The following KIF13A variants were observed in gnomAD, a reference collection of about 807,000 sequenced individuals.
KIF13A encodes the protein kinesin-like protein KIF13A.
KIF13A carries 79 observed loss-of-function variants against 212.2 expected under a neutral mutation model. That is an observed-to-expected ratio of 0.37 (90% CI 0.31 to 0.45). The LOEUF (loss-of-function observed/expected upper bound fraction) is 0.45, where lower values mean the gene tolerates loss of function less well. Among genes scored for constraint, KIF13A ranks in the 20% least tolerant of loss-of-function variants. KIF13A has a pLI of 1.00. For synonymous variants in KIF13A, 789 were observed against 808.6 expected (o/e 0.98, Z 0.41); for missense variants, 1,901 against 2,209.0 (o/e 0.86, Z 2.79).
intron 3 of KIF13A, among the ~76,000 whole-genome samples, chr6:17,887,234 T>C (rs1192713309): frequency 6.6e-6 from 1 of 152,168 alleles, no homozygotes; most frequent in Non-Finnish European, 1.5e-5. Flanking sequence ...GTTCCTTCAA[T>C]CTGGAGCCCA....
chr6:17,917,429 C>T (rs374510642), intron 2 of KIF13A, among the ~76,000 whole-genome samples: 1 of 151,718 alleles, frequency 6.6e-6, no homozygotes, highest in East Asian at 1.9e-4. Flanking sequence ...TTAGTAGAGA[C>T]GGGGTTTCGC....
At chr6:17,904,619 GC>G (rs141606535) in intron 2 of KIF13A, among the ~76,000 whole-genome samples, 8,401 of 152,232 alleles carry the variant, frequency 0.055, 271 homozygotes, top group Middle Eastern at 0.085. Flanking sequence ...AGGATAAATA[GC>G]CTGTTGCAAC....
chr6:17,971,203 C>T lies in KIF13A; in HGVS notation c.146+15851G>A, dbSNP rs915165308. On this transcript the variant is annotated intron_variant, in intron 2 of 38. Coordinates refer to ENST00000259711, the MANE Select transcript of KIF13A (RefSeq NM_022113.6). This position sits in a 1 kb window ranked among gnomAD's most constrained non-coding sequence, Gnocchi z 4.2. ...CAATAGCTGATGTACTATTAGACAT[C>T]GCACACACCAGGGACACCTAACTGT... Among the ~76,000 whole-genome samples, 6 of 152,258 alleles carry T rather than the reference C, an allele frequency of 3.9e-5. No homozygotes were observed. In the East Asian group the frequency reaches 5.8e-4, roughly 15 times the overall value.
rs1781661556 is a variant in KIF13A, at chr6:17,987,297, CGCCCCGGCCCCCCG to C, written c.55+98_55+111del. 2 of 888,880 alleles carry C rather than the reference CGCCCCGGCCCCCCG, an allele frequency of 2.3e-6. No individual in the cohort carries two copies. The highest frequency in any genetic ancestry group is 3.7e-5 in the South Asian group (1 of 27,020). The allele number at this position is 888,880 out of a possible 1,614,324, so 55.1% of individuals were successfully genotyped here. A position where few individuals can be genotyped will look rare whatever the true frequency, so the allele number is the denominator to read the frequency against. The stretch of plus-strand genomic sequence containing the variant: ...CCACGGCCAGCGCGGACGCCGCCTC[CGCCCCGGCCCCCCG>C]GCCCCGGCCGCGCTCTCGCCGTCCC... On this transcript the variant is annotated intron_variant, in intron 1 of 38. Coordinates refer to ENST00000259711, the MANE Select transcript of KIF13A (RefSeq NM_022113.6). This position sits in a 1 kb window ranked among gnomAD's most constrained non-coding sequence, Gnocchi z 7.7.
intron 4 of KIF13A, among the ~76,000 whole-genome samples, chr6:17,858,106 T>TGC (rs968344901): frequency 7.3e-6 from 1 of 137,372 alleles, no homozygotes; most frequent in African/African-American, 2.6e-5. Context: ...TGTGTGTGTG[T>TGC]GTGTGTGCAT....
In KIF13A at chr6:17,787,924, ATTTC is replaced by A. The variant is rs767957176; in HGVS notation, c.3262-53_3262-50del. On this transcript the variant is annotated intron_variant, in intron 26 of 38. Transcript: ENST00000259711. This position sits in a 1 kb window ranked among gnomAD's most constrained non-coding sequence, Gnocchi z 4.6. ...TTTCCTGTAGACTGCACAGACAACG[ATTTC>A]TTTCTTTCTTTTTTTAAAAGATGTT... is the stretch of plus-strand genomic sequence containing the variant. 41 of 993,654 alleles carry A rather than the reference ATTTC, an allele frequency of 4.1e-5. No individual in the cohort carries two copies. Among genetic ancestry groups the A allele is most frequent in the South Asian group, 2.5e-4 (18 of 72,656 alleles). The allele number at this position is 993,654 out of a possible 1,614,324, so 61.6% of individuals were successfully genotyped here.
intron 2 of KIF13A, among the ~76,000 whole-genome samples, chr6:17,983,568 C>T (rs1052626311): frequency 4.6e-5 from 7 of 151,232 alleles, no homozygotes; most frequent in Non-Finnish European, 1.0e-4. Flanking sequence ...TCTCAGCTCA[C>T]GGCAACCTCC....
chr6:17,852,699 T>G (rs904478486), intron 6 of KIF13A, among the ~76,000 whole-genome samples: 2 of 152,210 alleles, frequency 1.3e-5, no homozygotes, highest in Non-Finnish European at 2.9e-5. Flanking sequence ...ATTGCAGATG[T>G]GAGCCACCAC....
At position 17,826,316 on chromosome 6, in the gene KIF13A, C is replaced by A. The variant is rs1455970124; in HGVS notation, c.1533-192G>T. Among the ~76,000 whole-genome samples the A allele has an allele frequency of 3.3e-5, 5 of 152,242 alleles. No homozygotes were observed. The highest frequency in any genetic ancestry group is 7.3e-5 in the Non-Finnish European group (5 of 68,048). Reference sequence around the variant, plus strand: ...AGCCATGAGGACCAAGGGCTGCCAACACCCCTCAGAGAATGACAACCTAAC... The same window carrying A: ...AGCCATGAGGACCAAGGGCTGCCAAAACCCCTCAGAGAATGACAACCTAAC... On this transcript the variant is annotated intron_variant, in intron 14 of 38. Coordinates refer to ENST00000259711, the MANE Select transcript of KIF13A (RefSeq NM_022113.6). The surrounding 1 kb of genome is among the most constrained non-coding windows in gnomAD (Gnocchi z 4.7).
chr6:17,889,169 C>G lies in KIF13A; in HGVS notation c.159+8999G>C, dbSNP rs529607032. Among the ~76,000 whole-genome samples the G allele has an allele frequency of 1.4e-3, 218 of 152,292 alleles. 1 individual carries two copies. The highest frequency in any genetic ancestry group is 5.1e-3 in the African/African-American group (211 of 41,562). On this transcript the variant is annotated intron_variant, in intron 3 of 38. Coordinates refer to ENST00000259711, the MANE Select transcript of KIF13A (RefSeq NM_022113.6). ...GCATTTCAGATGGCATAAGCTGTAC[C>G]TAATAAGGTTTCCCCCTTACTTTTT...
chr6:17,764,821 C>T lies in KIF13A; in HGVS notation c.4707G>A (p.Trp1569Ter), dbSNP rs991309411. Residue 1569 changes from tryptophan to a stop codon, truncating the protein, a stop_gained, in exon 39 of 39, where the codon TGG becomes TGA. Transcript: ENST00000259711. LOFTEE classifies it low-confidence loss of function (END_TRUNC). The surrounding 1 kb of genome is among the most constrained non-coding windows in gnomAD (Gnocchi z 5.1). ...VYNASLENREWFSSKVDLSNS... is the reference protein window; with the variant it reads ...VYNASLENRE ...TTGACAGATCTACTTTAGAGGAAAA[C>T]CATTCCCTGTTCTCCAAGCTGGCAT... 4 of 1,613,652 alleles carry T rather than the reference C, an allele frequency of 2.5e-6. No individual in the cohort carries two copies. In the South Asian group the frequency reaches 4.4e-5, roughly 18 times the overall value.
At chr6:17,869,339 G>A (rs998506317) in intron 4 of KIF13A, among the ~76,000 whole-genome samples, 5 of 152,116 alleles carry the variant, frequency 3.3e-5, no homozygotes, top group African/African-American at 1.2e-4. Flanking sequence ...CTGTCACAAT[G>A]AGACAATAAT....
At chr6:17,848,406 G>T (rs1360969410) in intron 9 of KIF13A, among the ~76,000 whole-genome samples, 1 of 151,806 alleles carries the variant, frequency 6.6e-6, no homozygotes, top group Non-Finnish European at 1.5e-5. Context: ...TATTCCCCCT[G>T]GCCTCCCCTT....
chr6:17,985,632 C>CGGG (rs1554128614), intron 2 of KIF13A, among the ~76,000 whole-genome samples: 15 of 38,092 alleles, frequency 3.9e-4, no homozygotes, highest in African/African-American at 1.0e-3. Context: ...ATGCAGTTTG[C>CGGG]GGGGGGGTGG....
chr6:17,761,109 A>G (rs1394807070), downstream of KIF13A, among the ~76,000 whole-genome samples: 3 of 152,144 alleles, frequency 2.0e-5, no homozygotes, highest in East Asian at 1.9e-4. Context: ...AAAATTAAGG[A>G]AAAAAAGTGA....
chr6:17,856,009 T>C lies in KIF13A; in HGVS notation c.313+21A>G. On this transcript the variant is annotated intron_variant, in intron 5 of 38. Transcript: ENST00000259711. The surrounding 1 kb of genome is among the most constrained non-coding windows in gnomAD (Gnocchi z 4.5). ...TATAGGCATGATCCCCCACATCTGGTCTATAAAAGCAACTTCTTACCTGTC... is the reference window on the plus strand; with the variant it reads ...TATAGGCATGATCCCCCACATCTGGCCTATAAAAGCAACTTCTTACCTGTC... 1.3e-6 allele frequency: 2 copies of C among 1,523,312 alleles called. No homozygotes were observed. Among genetic ancestry groups the C allele is most frequent in the Non-Finnish European group, 1.8e-6 (2 of 1,098,864 alleles). The allele number at this position is 1,523,312 out of a possible 1,614,324, so 94.4% of individuals were successfully genotyped here.
At chr6:17,887,315 G>A (rs1413025928) in intron 3 of KIF13A, among the ~76,000 whole-genome samples, 1 of 152,142 alleles carries the variant, frequency 6.6e-6, no homozygotes, top group African/African-American at 2.4e-5. Context: ...ATATATTTTC[G>A]TTGTTTCTAG....
At chr6:17,814,197 C>T (rs540140802) in intron 17 of KIF13A, among the ~76,000 whole-genome samples, 10 of 150,516 alleles carry the variant, frequency 6.6e-5, no homozygotes, top group Admixed American at 4.0e-4. Flanking sequence ...GTGATCTGCC[C>T]GCCTTGGCCT....
intron 3 of KIF13A, among the ~76,000 whole-genome samples, chr6:17,876,235 T>A (rs569809181): frequency 6.8e-4 from 104 of 152,274 alleles, no homozygotes; most frequent in African/African-American, 2.3e-3. Flanking sequence ...CCTTTAATGC[T>A]TAATCACTTC....
Sources: gnomAD v4.1 joint callset for allele counts (sites outside exome capture counted in the v4.1 genomes callset) on GRCh38, gnomAD v4.1.1 for gene constraint, Gnocchi (gnomAD v3.1) non-coding constraint, MANE v1.5 for transcripts, NCBI Gene and HGNC (gene_info 2026-07-23, HGNC 2026-07-21) for gene names.